Variants in CCSER1 observed in about 807,000 individuals in gnomAD.
The protein encoded by CCSER1 is serine-rich coiled-coil domain-containing protein 1.
CCSER1 carries 41 observed loss-of-function variants against 82.0 expected under a neutral mutation model. The ratio of observed to expected loss-of-function variants is 0.50; its 90% CI spans 0.39 to 0.65. The LOEUF is 0.65. CCSER1 is among the 30% of genes least tolerant of loss of function. The probability of loss-of-function intolerance (pLI) is 0.00; values close to 1 mark genes in which losing one functional copy is unlikely to be tolerated. For missense variants in CCSER1, 1,119 were observed against 1,064.2 expected, an observed-to-expected ratio of 1.05 and a Z score of -0.72; for synonymous variants, 414 against 383.9, an observed-to-expected ratio of 1.08 and a Z score of -0.92.
chr4:90,266,491 C>G (rs1465619176), intron 1 of CCSER1, among the ~76,000 whole-genome samples: 2 of 151,940 alleles, frequency 1.3e-5, no homozygotes, highest in Non-Finnish European at 2.9e-5. Context: ...AAAAAAGCAC[C>G]TACATACGAA....
At chr4:91,198,222 C>A (rs183354544) in intron 10 of CCSER1, among the ~76,000 whole-genome samples, 69 of 152,076 alleles carry the variant, frequency 4.5e-4, no homozygotes, top group African/African-American at 1.6e-3. Flanking sequence ...AAAAGAGCTT[C>A]TTGGGATTTT....
At chr4:90,534,340 A>G (rs1775006644) in intron 5 of CCSER1, among the ~76,000 whole-genome samples, 2 of 152,004 alleles carry the variant, frequency 1.3e-5, no homozygotes, top group African/African-American at 4.8e-5. Context: ...CATGTTAGCC[A>G]GTATGGTCTT....
chr4:91,158,851 TC>T, intron 10 of CCSER1, among the ~76,000 whole-genome samples: 1 of 151,886 alleles, frequency 6.6e-6, no homozygotes, highest in East Asian at 1.9e-4. Context: ...AATTGGAGAG[TC>T]AGAAGATAAT....
intron 9 of CCSER1, among the ~76,000 whole-genome samples, chr4:91,017,854 T>A (rs1739574691): frequency 6.6e-6 from 1 of 151,528 alleles, no homozygotes; most frequent in Non-Finnish European, 1.5e-5. Flanking sequence ...TAAATTTTTT[T>A]AAGAGTCTCA....
intron 5 of CCSER1, among the ~76,000 whole-genome samples, chr4:90,520,838 G>T (rs1171225694): frequency 6.6e-6 from 1 of 152,162 alleles, no homozygotes; most frequent in Non-Finnish European, 1.5e-5. Flanking sequence ...GCTGGGGCAG[G>T]ATGGCAGGAG....
At chr4:90,251,927 G>T (rs1722456664) in intron 1 of CCSER1, among the ~76,000 whole-genome samples, 2 of 151,538 alleles carry the variant, frequency 1.3e-5, no homozygotes, top group African/African-American at 4.8e-5. Context: ...TTACTGTATT[G>T]TTTTTCTATG....
intron 6 of CCSER1, among the ~76,000 whole-genome samples, chr4:90,648,335 A>AAGAAAGAAAGAAAGAAAGAAAGAG (rs1728091469): frequency 6.7e-6 from 1 of 149,246 alleles, no homozygotes; most frequent in Admixed American, 6.6e-5. Context: ...GAAAGAAAGA[A>AAGAAAGAAAGAAAGAAAGAAAGAG]AGAAAGAGAG....
chr4:90,941,341 A>T (rs1020376531), intron 9 of CCSER1, among the ~76,000 whole-genome samples: 1 of 152,058 alleles, frequency 6.6e-6, no homozygotes, highest in African/African-American at 2.4e-5. Flanking sequence ...GTTTTAAATG[A>T]TTTTTTAATG....
At chr4:91,300,684 A>G (rs1208150055) in intron 10 of CCSER1, among the ~76,000 whole-genome samples, 2 of 151,914 alleles carry the variant, frequency 1.3e-5, no homozygotes, top group Non-Finnish European at 2.9e-5. Flanking sequence ...GATTTTAACT[A>G]AGTACTGCTG....
chr4:91,524,799 G>A (rs1364374649), intron 10 of CCSER1, among the ~76,000 whole-genome samples: 2 of 152,116 alleles, frequency 1.3e-5, no homozygotes, highest in Non-Finnish European at 2.9e-5. Flanking sequence ...TTAAGGTAAT[G>A]CAGAGTCTTA....
intron 5 of CCSER1, among the ~76,000 whole-genome samples, chr4:90,521,471 A>G (rs1220453248): frequency 6.6e-6 from 1 of 152,158 alleles, no homozygotes; most frequent in Non-Finnish European, 1.5e-5. Context: ...CACCCTTGTC[A>G]TTGACCACCC....
chr4:91,021,878 A>G (rs951519968), intron 9 of CCSER1, among the ~76,000 whole-genome samples: 1 of 152,234 alleles, frequency 6.6e-6, no homozygotes, highest in Non-Finnish European at 1.5e-5. Flanking sequence ...ATATGTGTAC[A>G]TATCTATATG....
At chr4:90,770,679 T>A (rs996571993) in intron 7 of CCSER1, among the ~76,000 whole-genome samples, 10 of 152,046 alleles carry the variant, frequency 6.6e-5, no homozygotes, top group African/African-American at 1.9e-4. Flanking sequence ...CTCTACTGAC[T>A]TTTTTTATGC....
chr4:91,162,342 T>C (rs767279327), intron 10 of CCSER1, among the ~76,000 whole-genome samples: 17 of 152,228 alleles, frequency 1.1e-4, no homozygotes, highest in South Asian at 2.1e-4. Flanking sequence ...CAGTATTTTA[T>C]TGAGGATTTT....
At chr4:91,241,917 A>G (rs1739397906) in intron 10 of CCSER1, among the ~76,000 whole-genome samples, 1 of 152,102 alleles carries the variant, frequency 6.6e-6, no homozygotes, top group African/African-American at 2.4e-5. Context: ...AAACCCTAAT[A>G]TCTCTATATA....
intron 10 of CCSER1, among the ~76,000 whole-genome samples, chr4:91,385,958 A>G (rs1751258054): frequency 6.6e-6 from 1 of 151,964 alleles, no homozygotes; most frequent in African/African-American, 2.4e-5. Flanking sequence ...ATGTGTATTT[A>G]TACATACACA....
At chr4:91,169,463 A>G (rs950693235) in intron 10 of CCSER1, among the ~76,000 whole-genome samples, 6 of 152,108 alleles carry the variant, frequency 3.9e-5, no homozygotes, top group African/African-American at 9.7e-5. Flanking sequence ...TGTACTAAAA[A>G]TACAAAAATT....
At chr4:90,887,646 G>A (rs1044823075) in intron 8 of CCSER1, among the ~76,000 whole-genome samples, 4 of 152,284 alleles carry the variant, frequency 2.6e-5, no homozygotes, top group Non-Finnish European at 2.9e-5. Flanking sequence ...CACTTTGGGA[G>A]GCCAAGGCAG....
intron 8 of CCSER1, among the ~76,000 whole-genome samples, chr4:90,866,052 G>C (rs1050967617): frequency 6.6e-5 from 10 of 151,774 alleles, no homozygotes; most frequent in Admixed American, 1.3e-4. Flanking sequence ...CCAGAGGAAT[G>C]GTTTAAACCA....
Sources: gnomAD v4.1 joint callset for allele counts (sites outside exome capture counted in the v4.1 genomes callset) on GRCh38, gnomAD v4.1.1 for gene constraint, MANE v1.5 for transcripts, NCBI Gene and HGNC (gene_info 2026-07-23, HGNC 2026-07-21) for gene names.